Variants in PCDHGB5 observed in about 807,000 individuals in gnomAD.
PCDHGB5 encodes the protein protocadherin gamma-B5.
A neutral mutation model predicts 62.9 loss-of-function variants in PCDHGB5; 48 were observed. The ratio of observed to expected loss-of-function variants is 0.76; its 90% confidence interval spans 0.61 to 0.97. The LOEUF is 0.97. PCDHGB5 is among the 50% of genes least tolerant of loss of function. PCDHGB5 has a pLI of 0.00. For synonymous variants in PCDHGB5, 474 were observed against 511.2 expected, an observed-to-expected ratio of 0.93 and a Z score of 0.98; for missense variants, 1,118 against 1,198.6, an observed-to-expected ratio of 0.93 and a Z score of 0.99.
In PCDHGB5 at chr5:141,432,854, G is replaced by A. The variant is rs769962088; in HGVS notation, c.2397+32330G>A. 1 of 1,614,192 alleles carries A rather than the reference G, an allele frequency of 6.2e-7. No homozygotes were observed. On this transcript the variant is annotated intron_variant, in intron 1 of 3. Transcript: ENST00000617380. The surrounding 1 kb of genome is among the most constrained non-coding windows in gnomAD (Gnocchi z 6.0). ...TCTGTACCTGGTGGTAGCGGTGGCC[G>A]CGGTCTCCTGCGTCTTCCTGGCCTT...
intron 1 of PCDHGB5, chr5:141,405,039 C>T (rs1227328278): frequency 1.2e-6 from 2 of 1,613,880 alleles, no homozygotes; most frequent in Non-Finnish European, 1.7e-6. Flanking sequence ...CTCGTTGTGG[C>T]TGTGGCAGTC....
chr5:141,398,895 A>G lies in PCDHGB5; in HGVS notation c.768A>G (p.Pro256=), dbSNP rs2093721929. The G allele has an allele frequency of 1.9e-6, 3 of 1,613,988 alleles. No individual in the cohort carries two copies. The highest frequency in any genetic ancestry group is 1.3e-5 in the African/African-American group (1 of 75,058). The part of the protein sequence containing the change: ...VYRVSLRENV[P]PGTTVLQVSA... The stretch of plus-strand genomic sequence containing the variant: ...GAGTCAGCCTTCGGGAAAACGTGCC[A>G]CCAGGCACCACTGTGTTGCAAGTGT... The change falls in exon 1 of 4, where the codon CCA becomes CCG. Residue 256 remains proline, a synonymous_variant. Coordinates refer to ENST00000617380, the MANE Select transcript of PCDHGB5 (RefSeq NM_018925.3).
In PCDHGB5 at chr5:141,491,667, G is replaced by C. The variant is rs746903142; in HGVS notation, c.2398-3140G>C. The C allele has an allele frequency of 3.7e-6, 6 of 1,613,678 alleles. No individual in the cohort carries two copies. The South Asian group carries it at 6.6e-5, about 18-fold the overall frequency. On this transcript the variant is annotated intron_variant, in intron 1 of 3. Transcript: ENST00000617380. This position sits in a 1 kb window ranked among gnomAD's most constrained non-coding sequence, Gnocchi z 6.9. Reference sequence around the variant, plus strand: ...TGGCGCTGGAGCCTGACGCCATCCGGTCCCGCTCTAATACGCTGCGGGAGC... The same window carrying C: ...TGGCGCTGGAGCCTGACGCCATCCGCTCCCGCTCTAATACGCTGCGGGAGC...
intron 1 of PCDHGB5, chr5:141,403,694 C>A (rs746395931): frequency 2.5e-6 from 4 of 1,613,878 alleles, no homozygotes; most frequent in Admixed American, 1.7e-5. Context: ...ACGGATTTAC[C>A]GAGTTAAAGT....
chr5:141,421,532 C>T lies in PCDHGB5; in HGVS notation c.2397+21008C>T, dbSNP rs557991200. On this transcript the variant is annotated intron_variant, in intron 1 of 3. Transcript: ENST00000617380. ...GAGGAGCTCTGTGAGACGGTGTCCT[C>T]CTGTTTTTTAAATATGGAACTTCTC... The T allele has an allele frequency of 1.4e-5, 23 of 1,613,996 alleles. No individual in the cohort carries two copies. In the African/African-American group the frequency reaches 2.4e-4, roughly 17 times the overall value.
intron 1 of PCDHGB5, among the ~76,000 whole-genome samples, chr5:141,453,193 A>G (rs2098757675): frequency 6.6e-6 from 1 of 152,142 alleles, no homozygotes; most frequent in Admixed American, 6.5e-5. Context: ...AGCTCACTGC[A>G]GCCTCAACCT....
At chr5:141,444,531 CTG>C (rs2098439915) in intron 1 of PCDHGB5, among the ~76,000 whole-genome samples, 1 of 152,100 alleles carries the variant, frequency 6.6e-6, no homozygotes, top group Non-Finnish European at 1.5e-5. Context: ...GAGACAGTGA[CTG>C]TGTCTAGTGA....
Position 141,495,011 on chromosome 5 carries a change from G to A in PCDHGB5, c.2456+146G>A, listed in dbSNP as rs2099758277. On this transcript the variant is annotated intron_variant, in intron 2 of 3. Coordinates refer to ENST00000617380, the MANE Select transcript of PCDHGB5 (RefSeq NM_018925.3). ...CCAGGGAGGTCTTGGTGTGCGGGGG[G>A]CTGGCACACAGACCCCGGAAGGAAG... is the stretch of plus-strand genomic sequence containing the variant. 4.6e-6 allele frequency: 7 copies of A among 1,512,044 alleles called. No individual in the cohort carries two copies. In the East Asian group the frequency reaches 1.5e-4, roughly 32 times the overall value. 93.7% of individuals were successfully genotyped at this position (1,512,044 alleles called of 1,614,324 possible).
In PCDHGB5 at chr5:141,486,708, C is replaced by A; in HGVS notation, c.2398-8099C>A. On this transcript the variant is annotated intron_variant, in intron 1 of 3. Transcript: ENST00000617380. The surrounding 1 kb of genome is among the most constrained non-coding windows in gnomAD (Gnocchi z 5.0). ...GCTTCCTCTTTCATCTCTCTGAACC[C>A]CCAGACAGGAGCTGTTCATGCTACT... is the stretch of plus-strand genomic sequence containing the variant. 6.2e-7 allele frequency: 1 copy of A among 1,614,180 alleles called. No individual in the cohort carries two copies. Among genetic ancestry groups the A allele is most frequent in the South Asian group, 1.1e-5 (1 of 91,084 alleles).
intron 1 of PCDHGB5, chr5:141,413,526 G>A: frequency 6.2e-7 from 1 of 1,613,936 alleles, no homozygotes; most frequent in Non-Finnish European, 8.5e-7. Context: ...TGGAAGACAG[G>A]GTGAAACTTT....
At position 141,487,547 on chromosome 5, in the gene PCDHGB5, A is replaced by G. The variant is rs2099649592; in HGVS notation, c.2398-7260A>G. On this transcript the variant is annotated intron_variant, in intron 1 of 3. Coordinates refer to ENST00000617380, the MANE Select transcript of PCDHGB5 (RefSeq NM_018925.3). The surrounding 1 kb of genome is among the most constrained non-coding windows in gnomAD (Gnocchi z 5.0). ...TAGCTTCATGATGGTGAAGTCACCC[A>G]GTGCACCTATGGCAGGGGAGCCTGT... 2 of 1,614,216 alleles carry G rather than the reference A, an allele frequency of 1.2e-6. No individual in the cohort carries two copies. Among genetic ancestry groups the G allele is most frequent in the Non-Finnish European group, 8.5e-7 (1 of 1,180,046 alleles).
chr5:141,461,510 G>T (rs2099016853), intron 1 of PCDHGB5, among the ~76,000 whole-genome samples: 1 of 152,014 alleles, frequency 6.6e-6, no homozygotes, highest in Non-Finnish European at 1.5e-5. Context: ...TTGGTGATTT[G>T]TTAGTTCCTT....
intron 1 of PCDHGB5, chr5:141,420,219 T>C: frequency 6.2e-7 from 1 of 1,607,100 alleles, no homozygotes. Flanking sequence ...GATAGCATGC[T>C]ACTGGCTAGC....
In PCDHGB5 at chr5:141,511,360, T is replaced by C; in HGVS notation, c.*187T>C. The C allele has an allele frequency of 7.5e-7, 1 of 1,333,050 alleles. No individual in the cohort carries two copies. Among genetic ancestry groups the C allele is most frequent in the Non-Finnish European group, 1.0e-6 (1 of 994,882 alleles). 82.6% of individuals were successfully genotyped at this position (1,333,050 alleles called of 1,614,324 possible). On this transcript the variant is annotated 3_prime_UTR_variant, in exon 4 of 4. Transcript: ENST00000617380. ...ACCTACCCCTTCCCCCCCAGGGGGT[T>C]GAATATGCAAAAGCAGTTCCGCTGG...
In PCDHGB5 at chr5:141,489,515, G is replaced by A. The variant is rs983415025; in HGVS notation, c.2398-5292G>A. On this transcript the variant is annotated intron_variant, in intron 1 of 3. Coordinates refer to ENST00000617380, the MANE Select transcript of PCDHGB5 (RefSeq NM_018925.3). The surrounding 1 kb of genome is among the most constrained non-coding windows in gnomAD (Gnocchi z 4.5). ...CTGGCAGTGAATCAAAAGATTGACC[G>A]AGAAAGCCTATGTGGAGCCAGCACC... 2 of 1,614,104 alleles carry A rather than the reference G, an allele frequency of 1.2e-6. No homozygotes were observed. Among genetic ancestry groups the A allele is most frequent in the Non-Finnish European group, 8.5e-7 (1 of 1,180,034 alleles).
Position 141,485,668 on chromosome 5 carries a change from T to C in PCDHGB5, c.2398-9139T>C. 6.2e-7 allele frequency: 1 copy of C among 1,612,698 alleles called. No homozygotes were observed. The highest frequency in any genetic ancestry group is 1.3e-5 in the African/African-American group (1 of 74,972). ...CTCAGGATGCAGATGTGGGGAGCAA[T>C]TCGATTAGCAGCTATAGGCTGAGCT... On this transcript the variant is annotated intron_variant, in intron 1 of 3. Transcript: ENST00000617380. The surrounding 1 kb of genome is among the most constrained non-coding windows in gnomAD (Gnocchi z 5.7).
Position 141,432,026 on chromosome 5 carries a change from A to G in PCDHGB5, c.2397+31502A>G, listed in dbSNP as rs1591124077. On this transcript the variant is annotated intron_variant, in intron 1 of 3. Coordinates refer to ENST00000617380, the MANE Select transcript of PCDHGB5 (RefSeq NM_018925.3). The surrounding 1 kb of genome is among the most constrained non-coding windows in gnomAD (Gnocchi z 6.0). ...GGTTCCTAGCTACAACATCACAGTG[A>G]CCGCCACTGACCGGGGAACCCCGCC... The G allele has an allele frequency of 1.9e-6, 3 of 1,614,152 alleles. 1 individual carries two copies. Among genetic ancestry groups the G allele is most frequent in the Middle Eastern group, 3.3e-4 (2 of 6,062 alleles).
chr5:141,414,900 T>C (rs1402776790), intron 1 of PCDHGB5: 5 of 1,614,170 alleles, frequency 3.1e-6, no homozygotes, highest in Middle Eastern at 1.6e-4. Flanking sequence ...CCACAGACGG[T>C]TCCACAGGCG....
intron 1 of PCDHGB5, among the ~76,000 whole-genome samples, chr5:141,455,830 C>T (rs928219545): frequency 2.0e-5 from 3 of 151,170 alleles, no homozygotes; most frequent in African/African-American, 7.3e-5. Flanking sequence ...GACCCCTTTT[C>T]CTGTCTATCT....
Sources: gnomAD v4.1 joint callset for allele counts (sites outside exome capture counted in the v4.1 genomes callset) on GRCh38, gnomAD v4.1.1 for gene constraint, Gnocchi (gnomAD v3.1) non-coding constraint, MANE v1.5 for transcripts, NCBI Gene and HGNC (gene_info 2026-07-23, HGNC 2026-07-21) for gene names.